The following GALNT3 variants were observed in gnomAD, a reference collection of about 807,000 sequenced individuals.
GALNT3 encodes GalNAc transferase 3.
Under a neutral mutation model 69.8 loss-of-function variants are expected in GALNT3, and 51 were observed. That is an observed-to-expected ratio of 0.73 (90% CI 0.58 to 0.92). GALNT3 has a LOEUF of 0.92. Ranked by LOEUF, GALNT3 falls within the 40% of genes least tolerant of loss-of-function variation. The pLI, the probability that GALNT3 is intolerant of heterozygous loss-of-function variation, is 0.00. For synonymous variants in GALNT3, 265 were observed against 248.5 expected (o/e 1.07, Z -0.63); for missense variants, 711 against 760.0 (o/e 0.94, Z 0.76).
At chr2:165,792,131 A>G (rs1203032698) in intron 1 of GALNT3, among the ~76,000 whole-genome samples, 5 of 152,188 alleles carry the variant, frequency 3.3e-5, no homozygotes, top group African/African-American at 9.7e-5. Context: ...TGGTTTGAGT[A>G]TTGAATCTCC....
intron 1 of GALNT3, among the ~76,000 whole-genome samples, chr2:165,773,724 C>T (rs983484496): frequency 6.6e-6 from 1 of 150,630 alleles, no homozygotes; most frequent in African/African-American, 2.4e-5. Flanking sequence ...TAGAGAAATA[C>T]CTACATTTAA....
Position 165,757,105 on chromosome 2 carries a change from T to C in GALNT3, c.1334A>G (p.Asp445Gly), listed in dbSNP as rs772171197. The C allele has an allele frequency of 6.8e-6, 11 of 1,613,976 alleles. No homozygotes were observed. Among genetic ancestry groups the C allele is most frequent in the South Asian group, 6.6e-5 (6 of 91,080 alleles). ...NQVRLAEVWM[D>G]EYKEIFYRRN... ...CCTATAAAATATTTCCTTGTATTCA[T>C]CCATCCAGACTTCTGCAAGGCGAAC... Residue 445 changes from aspartate (D) to glycine (G), a missense_variant, in exon 7 of 11, where the codon GAT becomes GGT. By Grantham distance (94) the Asp-to-Gly change is moderately conservative (BLOSUM62 -1). Coordinates refer to ENST00000392701, the MANE Select transcript of GALNT3 (RefSeq NM_004482.4).
At chr2:165,769,444 T>TAAA (rs1371172173) in intron 2 of GALNT3, among the ~76,000 whole-genome samples, 1 of 135,074 alleles carries the variant, frequency 7.4e-6, no homozygotes, top group African/African-American at 2.8e-5. Context: ...TAATAATAAA[T>TAAA]AAATAAATAA....
intron 1 of GALNT3, among the ~76,000 whole-genome samples, chr2:165,789,321 C>G (rs1683294449): frequency 6.6e-6 from 1 of 152,164 alleles, no homozygotes. Context: ...TCTCAGTCCT[C>G]TTTTATAAGG....
At chr2:165,778,190 C>T (rs1683014744) in intron 1 of GALNT3, among the ~76,000 whole-genome samples, 3 of 152,224 alleles carry the variant, frequency 2.0e-5, no homozygotes, top group Admixed American at 6.5e-5. Flanking sequence ...GCCACATCTA[C>T]ACCTGTGAAT....
At chr2:165,790,933 C>T (rs1267692450) in intron 1 of GALNT3, among the ~76,000 whole-genome samples, 2 of 152,126 alleles carry the variant, frequency 1.3e-5, no homozygotes, top group African/African-American at 2.4e-5. Flanking sequence ...AACTCTAACT[C>T]AGTCATAAAA....
chr2:165,759,853 C>T (rs553950979), intron 4 of GALNT3, among the ~76,000 whole-genome samples: 29 of 151,952 alleles, frequency 1.9e-4, no homozygotes, highest in Admixed American at 1.7e-3. Flanking sequence ...GCTTATGGAG[C>T]GGGTGGTAAG....
At chr2:165,784,150 C>T (rs1359621843) in intron 1 of GALNT3, among the ~76,000 whole-genome samples, 1 of 152,130 alleles carries the variant, frequency 6.6e-6, no homozygotes, top group Non-Finnish European at 1.5e-5. Context: ...AATTACCATA[C>T]ACAGTGAGGC....
intron 9 of GALNT3, among the ~76,000 whole-genome samples, chr2:165,751,588 G>A (rs896842911): frequency 2.0e-5 from 3 of 151,984 alleles, no homozygotes; most frequent in East Asian, 1.9e-4. Flanking sequence ...AAAGTACTTT[G>A]GTAACAAAAA....
At chr2:165,791,494 C>T (rs1037505649) in intron 1 of GALNT3, among the ~76,000 whole-genome samples, 4 of 151,932 alleles carry the variant, frequency 2.6e-5, no homozygotes, top group African/African-American at 9.7e-5. Context: ...ATTAATAAAA[C>T]TTGTTTCATT....
chr2:165,775,647 G>A (rs1688834275), intron 1 of GALNT3, among the ~76,000 whole-genome samples: 1 of 152,092 alleles, frequency 6.6e-6, no homozygotes, highest in Middle Eastern at 3.2e-3. Context: ...CTTCAATTCT[G>A]GATATACATT....
At chr2:165,749,114 G>C (rs1195557010) in intron 10 of GALNT3, among the ~76,000 whole-genome samples, 1 of 152,064 alleles carries the variant, frequency 6.6e-6, no homozygotes, top group African/African-American at 2.4e-5. Flanking sequence ...AATGAAGAGA[G>C]GCAGACAGAA....
intron 2 of GALNT3, 56 bp downstream of exon 2, chr2:165,770,130 C>T (rs748673836): frequency 1.2e-6 from 2 of 1,604,506 alleles, no homozygotes; most frequent in African/African-American, 1.3e-5. Context: ...GCTCACCCCT[C>T]TCTCCCCTGC....
chr2:165,759,962 T>C (rs911198174), intron 4 of GALNT3, among the ~76,000 whole-genome samples: 3 of 152,154 alleles, frequency 2.0e-5, no homozygotes, highest in Non-Finnish European at 4.4e-5. Flanking sequence ...AGGGGAGATT[T>C]TTTAAAGGTT....
chr2:165,787,374 C>A (rs1341930045), intron 1 of GALNT3, among the ~76,000 whole-genome samples: 1 of 152,150 alleles, frequency 6.6e-6, no homozygotes, highest in Non-Finnish European at 1.5e-5. Context: ...TTGATGGGAG[C>A]CAAATCATGC....
chr2:165,753,961 T>C (rs1688398216), intron 9 of GALNT3, among the ~76,000 whole-genome samples: 1 of 152,208 alleles, frequency 6.6e-6, no homozygotes, highest in South Asian at 2.1e-4. Flanking sequence ...ATGTGTAAAC[T>C]TGCAAAATCA....
At chr2:165,756,152 A>C (rs1287877558) in intron 7 of GALNT3, among the ~76,000 whole-genome samples, 1 of 152,170 alleles carries the variant, frequency 6.6e-6, no homozygotes, top group East Asian at 1.9e-4. Context: ...AGAGGTAACC[A>C]AATCGTTCTT....
rs1377586286 is a variant in GALNT3, at chr2:165,747,766, AT to A, written c.*1014del. On this transcript the variant is annotated 3_prime_UTR_variant, in exon 11 of 11. Transcript: ENST00000392701. ...TTCCCCCACCTATTATCAATTACAG[AT>A]TTTACCCAAAAGAGGAAAAAAACTT... The A allele has an allele frequency of 3.1e-5, 5 of 161,732 alleles. No individual in the cohort carries two copies. Among genetic ancestry groups the A allele is most frequent in the African/African-American group, 1.2e-4 (5 of 41,778 alleles). The allele number at this position is 161,732 out of a possible 1,614,324, so 10.0% of individuals were successfully genotyped here.
At chr2:165,749,640 C>T in intron 10 of GALNT3, 102 bp downstream of exon 10, 3 of 1,024,904 alleles carry the variant, frequency 2.9e-6, no homozygotes, top group Non-Finnish European at 4.6e-6. Flanking sequence ...GAGAGAAATT[C>T]TGATAGATAA....
Sources: gnomAD v4.1 joint callset for allele counts (sites outside exome capture counted in the v4.1 genomes callset) on GRCh38, gnomAD v4.1.1 for gene constraint, MANE v1.5 for transcripts, NCBI Gene and HGNC (gene_info 2026-07-23, HGNC 2026-07-21) for gene names.